The following RAB38 variants were observed in gnomAD, a reference collection of about 807,000 sequenced individuals.
RAB38 encodes RAB38, member RAS oncogene family, also known as ras-related protein Rab-38.
A neutral mutation model predicts 18.4 loss-of-function variants in RAB38; 15 were observed. The ratio of observed to expected loss-of-function variants is 0.82; its 90% confidence interval spans 0.55 to 1.26. The LOEUF is 1.26. Ranked by LOEUF, RAB38 falls within the 50% of genes most tolerant of loss-of-function variation. The pLI, the probability that RAB38 is intolerant of heterozygous loss-of-function variation, is 0.00. For missense variants in RAB38, 294 were observed against 267.4 expected, an observed-to-expected ratio of 1.10 and a Z score of -0.69; for synonymous variants, 101 against 104.4, an observed-to-expected ratio of 0.97 and a Z score of 0.20.
the RAB38 span, among the ~76,000 whole-genome samples, chr11:87,810,480 T>A: frequency 6.6e-6 from 1 of 152,226 alleles, no homozygotes; most frequent in South Asian, 2.1e-4. Flanking sequence ...ATGTTGTATG[T>A]ACCAATAATC....
the RAB38 span, among the ~76,000 whole-genome samples, chr11:88,034,315 T>C: frequency 6.6e-6 from 1 of 152,258 alleles, no homozygotes; most frequent in African/African-American, 2.4e-5. Flanking sequence ...GTTATGAATA[T>C]TTATGTATTG....
At chr11:88,016,618 C>T in the RAB38 span, among the ~76,000 whole-genome samples, 2 of 152,016 alleles carry the variant, frequency 1.3e-5, no homozygotes, top group African/African-American at 4.8e-5. Flanking sequence ...CAAGGGGGAG[C>T]ACTAATACTT....
intron 2 of RAB38, among the ~76,000 whole-genome samples, chr11:88,132,055 G>A (rs1188582520): frequency 1.3e-5 from 2 of 152,174 alleles, no homozygotes; most frequent in Non-Finnish European, 2.9e-5. Context: ...GGATCCCAAG[G>A]TTTAGATGAG....
intron 2 of RAB38, among the ~76,000 whole-genome samples, chr11:88,141,195 C>T (rs1008994660): frequency 1.2e-4 from 18 of 152,218 alleles, no homozygotes; most frequent in African/African-American, 3.9e-4. Context: ...ACCAACTGGG[C>T]ACAAGACATA....
At chr11:87,842,821 C>T in the RAB38 span, among the ~76,000 whole-genome samples, 1 of 71,788 alleles carries the variant, frequency 1.4e-5, no homozygotes, top group Non-Finnish European at 2.7e-5. Context: ...CGCGCGCACA[C>T]ACACACACAC....
chr11:87,956,854 G>A, the RAB38 span, among the ~76,000 whole-genome samples: 1 of 151,940 alleles, frequency 6.6e-6, no homozygotes, highest in African/African-American at 2.4e-5. Context: ...GAACCTTTCA[G>A]GGCCTTTCTG....
At chr11:88,119,086 G>T (rs1332053827) in intron 2 of RAB38, among the ~76,000 whole-genome samples, 1 of 152,004 alleles carries the variant, frequency 6.6e-6, no homozygotes, top group Non-Finnish European at 1.5e-5. Flanking sequence ...TAGATCCTAG[G>T]ATATTATTTA....
chr11:88,006,540 C>T, the RAB38 span, among the ~76,000 whole-genome samples: 2 of 142,288 alleles, frequency 1.4e-5, no homozygotes, highest in African/African-American at 5.4e-5. Context: ...TATCCATCAA[C>T]AGATTAATGG....
Position 88,175,374 on chromosome 11 carries a change from G to A in RAB38, c.11C>T (p.Pro4Leu), listed in dbSNP as rs1220806006. MQA[P>L]HKEHLYKLLV... The stretch of plus-strand genomic sequence containing the variant: ...CAACTTGTACAGGTGCTCCTTGTGC[G>A]GGGCCTGCATCCTGGCGGCCGGCCA... The change falls in exon 1 of 3, where the codon CCG becomes CTG. Residue 4 changes from proline to leucine, a missense_variant. Transcript: ENST00000243662. The A allele has an allele frequency of 3.1e-6, 5 of 1,614,112 alleles. No individual in the cohort carries two copies. The highest frequency in any genetic ancestry group is 1.6e-4 in the Middle Eastern group (1 of 6,062).
the RAB38 span, among the ~76,000 whole-genome samples, chr11:87,863,023 A>C: frequency 2.0e-5 from 3 of 151,888 alleles, no homozygotes; most frequent in African/African-American, 7.2e-5. Flanking sequence ...ACACAGGCTG[A>C]ATGTTATTTA....
chr11:87,948,954 A>C, the RAB38 span, among the ~76,000 whole-genome samples: 570 of 152,248 alleles, frequency 3.7e-3, no homozygotes, highest in African/African-American at 0.013. Flanking sequence ...GAATAGTCTC[A>C]GAAGGAATGG....
At chr11:87,963,426 C>T in the RAB38 span, among the ~76,000 whole-genome samples, 2 of 152,070 alleles carry the variant, frequency 1.3e-5, no homozygotes, top group Admixed American at 6.6e-5. Flanking sequence ...CATATACATA[C>T]AGTTCTAAGA....
At chr11:87,860,796 T>G in the RAB38 span, among the ~76,000 whole-genome samples, 1 of 151,990 alleles carries the variant, frequency 6.6e-6, no homozygotes, top group South Asian at 2.1e-4. Context: ...TTTTTTTTAT[T>G]TTTATTTTAC....
chr11:88,127,180 C>T (rs1385593069), intron 2 of RAB38, among the ~76,000 whole-genome samples: 3 of 152,082 alleles, frequency 2.0e-5, no homozygotes, highest in Admixed American at 6.5e-5. Flanking sequence ...GCCTTGTGTT[C>T]AAATTCTTTA....
chr11:87,805,126 C>G, the RAB38 span, among the ~76,000 whole-genome samples: 3 of 152,152 alleles, frequency 2.0e-5, no homozygotes, highest in African/African-American at 7.2e-5. Flanking sequence ...CACTTTCTGC[C>G]TAAATGGTGT....
the RAB38 span, among the ~76,000 whole-genome samples, chr11:87,858,604 C>T: frequency 3.7e-4 from 56 of 151,974 alleles, no homozygotes; most frequent in East Asian, 0.01. Context: ...ACCCTAAAAA[C>T]CTTAAGGAAA....
At chr11:87,836,434 C>A in the RAB38 span, among the ~76,000 whole-genome samples, 5 of 152,058 alleles carry the variant, frequency 3.3e-5, no homozygotes, top group Admixed American at 1.3e-4. Flanking sequence ...TTCAATTAAT[C>A]ATGGTGTGCT....
chr11:88,129,695 T>C (rs771920410), intron 2 of RAB38, among the ~76,000 whole-genome samples: 1 of 152,066 alleles, frequency 6.6e-6, no homozygotes, highest in Admixed American at 6.6e-5. Context: ...AATGAGCCAA[T>C]TCTATAGACT....
At chr11:87,944,435 A>C in the RAB38 span, among the ~76,000 whole-genome samples, 12 of 152,106 alleles carry the variant, frequency 7.9e-5, no homozygotes, top group Non-Finnish European at 1.0e-4. Context: ...TCTCTTGTCC[A>C]TGTTGGCATC....
Sources: gnomAD v4.1 joint callset for allele counts (sites outside exome capture counted in the v4.1 genomes callset) on GRCh38, gnomAD v4.1.1 for gene constraint, MANE v1.5 for transcripts, NCBI Gene and HGNC (gene_info 2026-07-23, HGNC 2026-07-21) for gene names.